The following RPS19 variants were observed in gnomAD, a reference collection of about 807,000 sequenced individuals.
RPS19 encodes the protein small ribosomal subunit protein eS19.
A neutral mutation model predicts 20.3 loss-of-function variants in RPS19; 1 was observed. That is an observed-to-expected ratio of 0.05 (90% CI 0.02 to 0.23). The LOEUF is 0.23. Among genes scored for constraint, RPS19 ranks in the 10% least tolerant of loss-of-function variants. RPS19 has a pLI of 1.00. For missense variants in RPS19, 111 were observed against 192.7 expected, an observed-to-expected ratio of 0.58 and a Z score of 2.51; for synonymous variants, 87 against 74.8, an observed-to-expected ratio of 1.16 and a Z score of -0.84.
intron 3 of RPS19, among the ~76,000 whole-genome samples, chr19:41,862,028 C>T (rs959928048): frequency 1.4e-4 from 16 of 117,566 alleles, no homozygotes; most frequent in Non-Finnish European, 2.4e-4. Context: ...GCCTTAGCAC[C>T]GACCTTCACT....
chr19:41,868,468 G>A (rs1555841139), intron 3 of RPS19, among the ~76,000 whole-genome samples: 1 of 152,190 alleles, frequency 6.6e-6, no homozygotes, highest in East Asian at 1.9e-4. Context: ...AAGCGTTTCT[G>A]GGGAGGCTGG....
rs1243657006 is a variant in RPS19, at chr19:41,872,262, A to G, written c.*885A>G. 2.0e-5 allele frequency: 3 copies of G among 152,360 alleles called. No individual in the cohort carries two copies. The highest frequency in any genetic ancestry group is 3.9e-4 in the East Asian group (2 of 5,186). The allele number at this position is 152,360 out of a possible 1,614,324, so 9.4% of individuals were successfully genotyped here. A position where few individuals can be genotyped will look rare whatever the true frequency, so the allele number is the denominator to read the frequency against. On this transcript the variant is annotated 3_prime_UTR_variant, in exon 6 of 6. Coordinates refer to ENST00000598742, the MANE Select transcript of RPS19 (RefSeq NM_001022.4). ...CCTGGAGGGGCAAGCCAGGAAAGAA[A>G]CTTAGGGCCCGCTGTGACCAGATGT... is the stretch of plus-strand genomic sequence containing the variant.
At position 41,871,904 on chromosome 19, in the gene RPS19, G is replaced by A. The variant is rs2074153113; in HGVS notation, c.*527G>A. On this transcript the variant is annotated 3_prime_UTR_variant, in exon 6 of 6. Coordinates refer to ENST00000598742, the MANE Select transcript of RPS19 (RefSeq NM_001022.4). ...GGCCCAGGGTTCATGCTCTTCCCTGGAAGGTAGAAAAGGACAGACCACCAG... is the reference window on the plus strand; with the variant it reads ...GGCCCAGGGTTCATGCTCTTCCCTGAAAGGTAGAAAAGGACAGACCACCAG... 5.7e-6 allele frequency: 1 copy of A among 174,038 alleles called. No homozygotes were observed. Among genetic ancestry groups the A allele is most frequent in the African/African-American group, 2.4e-5 (1 of 41,744 alleles). The allele number at this position is 174,038 out of a possible 1,614,324, so 10.8% of individuals were successfully genotyped here. A position where few individuals can be genotyped will look rare whatever the true frequency, so the allele number is the denominator to read the frequency against.
At chr19:41,861,382 GT>G in intron 3 of RPS19, 170 bp downstream of exon 3, 2 of 642,346 alleles carry the variant, frequency 3.1e-6, no homozygotes, top group Non-Finnish European at 5.7e-6. Flanking sequence ...GGTACTCCAA[GT>G]TTTTATGACA....
chr19:41,865,291 G>A (rs901601012), intron 3 of RPS19, among the ~76,000 whole-genome samples: 2 of 151,914 alleles, frequency 1.3e-5, no homozygotes, highest in African/African-American at 4.8e-5. Flanking sequence ...CTTGAACCCC[G>A]GAGGCAGAGG....
Position 41,871,403 on chromosome 19 carries a change from T to G in RPS19, c.*26T>G, listed in dbSNP as rs202066514. On this transcript the variant is annotated 3_prime_UTR_variant, in exon 6 of 6. Transcript: ENST00000598742. ...AACAAACCATGCTGGGTTAATAAAT[T>G]GCCTCATTCGTAATCCTGGTCTGGG... The G allele has an allele frequency of 6.2e-7, 1 of 1,609,486 alleles. No individual in the cohort carries two copies. The highest frequency in any genetic ancestry group is 1.3e-5 in the African/African-American group (1 of 74,918).
chr19:41,860,598 G>C (rs2074017592), intron 1 of RPS19, 177 bp from the exon 2 acceptor site: 1 of 709,368 alleles, frequency 1.4e-6, no homozygotes, highest in African/African-American at 1.7e-5. Flanking sequence ...GGCCGTGGGC[G>C]TCGGTGAGCT....
chr19:41,863,576 G>A (rs1311678009), intron 3 of RPS19, among the ~76,000 whole-genome samples: 1 of 152,156 alleles, frequency 6.6e-6, no homozygotes, highest in African/African-American at 2.4e-5. Context: ...GGGCCAAATT[G>A]TGGAGACCTA....
At position 41,865,944 on chromosome 19, in the gene RPS19, G is replaced by A. The variant is rs368645235; in HGVS notation, c.173-3087G>A. 3.4e-3 allele frequency among the ~76,000 whole-genome samples: 236 copies of A among 68,666 alleles called. 1 individual carries two copies. Among genetic ancestry groups the A allele is most frequent in the African/African-American group, 0.012 (225 of 18,550 alleles). 45.0% of individuals were successfully genotyped at this position (68,666 alleles called of 152,430 possible). ...AGCCTGGGCGACAGAGTGAGACTCC[G>A]TCTTTAAAAAAAAAAAAAAAAAAAA... On this transcript the variant is annotated intron_variant, in intron 3 of 5. Coordinates refer to ENST00000598742, the MANE Select transcript of RPS19 (RefSeq NM_001022.4).
intron 3 of RPS19, among the ~76,000 whole-genome samples, chr19:41,862,286 C>G (rs1395302223): frequency 1.3e-5 from 2 of 152,152 alleles, no homozygotes; most frequent in African/African-American, 4.8e-5. Context: ...TCTTTCAGGC[C>G]ATGGAGTGAG....
At chr19:41,865,820 G>A (rs2074080705) in intron 3 of RPS19, among the ~76,000 whole-genome samples, 1 of 150,136 alleles carries the variant, frequency 6.7e-6, no homozygotes, top group South Asian at 2.1e-4. Context: ...GTGGTGGCGG[G>A]CGCCTGTAGT....
intron 3 of RPS19, among the ~76,000 whole-genome samples, chr19:41,861,856 G>A (rs972760726): frequency 1.3e-5 from 2 of 152,178 alleles, no homozygotes; most frequent in Non-Finnish European, 2.9e-5. Flanking sequence ...GCAACCTCGT[G>A]CCAGCCCCGT....
At chr19:41,867,289 T>C (rs1050367838) in intron 3 of RPS19, among the ~76,000 whole-genome samples, 2 of 150,850 alleles carry the variant, frequency 1.3e-5, no homozygotes, top group Non-Finnish European at 3.0e-5. Flanking sequence ...AAGTATAATA[T>C]TTGCATATAT....
At chr19:41,861,235 T>C (rs782799916) in intron 3 of RPS19, 23 bp downstream of exon 3, 18 of 1,573,592 alleles carry the variant, frequency 1.1e-5, no homozygotes, top group South Asian at 1.1e-5. Context: ...GGTCTTTGGC[T>C]GGAGAGTGGG....
chr19:41,867,812 TAAGAAAA>T (rs1415510228), intron 3 of RPS19, among the ~76,000 whole-genome samples: 1 of 152,146 alleles, frequency 6.6e-6, no homozygotes, highest in Admixed American at 6.5e-5. Flanking sequence ...TTTTGTGTTT[TAAGAAAA>T]AAGAAAAAGC....
intron 3 of RPS19, chr19:41,863,767 GC>G (rs2074056714): frequency 6.6e-6 from 1 of 152,056 alleles, no homozygotes; most frequent in Admixed American, 6.6e-5. Flanking sequence ...GCAAAGACTT[GC>G]TCTCACTGGA....
chr19:41,869,082 T>C lies in RPS19; in HGVS notation c.224T>C (p.Met75Thr). Residue 75 changes from methionine to threonine, a missense_variant, in exon 4 of 6, where the codon ATG becomes ACG. Coordinates refer to ENST00000598742, the MANE Select transcript of RPS19 (RefSeq NM_001022.4). ...YLRGGAGVGS[M>T]TKIYGGRQRN... ...CGGGGTGGCGCTGGGGTTGGCTCCATGACCAAGATCTATGGGGGACGTCAG... is the reference window on the plus strand; with the variant it reads ...CGGGGTGGCGCTGGGGTTGGCTCCACGACCAAGATCTATGGGGGACGTCAG... The C allele has an allele frequency of 6.2e-7, 1 of 1,613,758 alleles. No homozygotes were observed. The highest frequency in any genetic ancestry group is 8.5e-7 in the Non-Finnish European group (1 of 1,179,862).
Position 41,862,489 on chromosome 19 carries a change from TC to T in RPS19, c.172+1283del, listed in dbSNP as rs5828131. On this transcript the variant is annotated intron_variant, in intron 3 of 5. Transcript: ENST00000598742. ...GGAAGTTACATATCTCCTCCACCTG[TC>T]CCCCCATCTTGCTTTGGCAGTGCCT... Among the ~76,000 whole-genome samples, 934 of 152,164 alleles carry T rather than the reference TC, an allele frequency of 6.1e-3. 11 individuals are homozygous for T. The highest frequency in any genetic ancestry group is 0.017 in the African/African-American group (704 of 41,504).
chr19:41,867,773 C>T (rs2074105485), intron 3 of RPS19, among the ~76,000 whole-genome samples: 1 of 152,184 alleles, frequency 6.6e-6, no homozygotes, highest in African/African-American at 2.4e-5. Context: ...CCACAGCACC[C>T]CAGCCTGGGT....
Sources: allele counts gnomAD v4.1 joint callset (sites outside exome capture counted in the v4.1 genomes callset), GRCh38; gene constraint gnomAD v4.1.1; transcripts MANE v1.5; gene names NCBI Gene and HGNC (gene_info 2026-07-23, HGNC 2026-07-21).